The following MYO1G variants were observed in gnomAD, a reference collection of about 807,000 sequenced individuals.
MYO1G encodes unconventional myosin-Ig.
A neutral mutation model predicts 115.3 loss-of-function variants in MYO1G; 65 were observed. That is an observed-to-expected ratio of 0.56 (90% CI 0.46 to 0.69). MYO1G has a LOEUF of 0.69. Among genes scored for constraint, MYO1G ranks in the 30% least tolerant of loss-of-function variants. MYO1G has a pLI of 0.00. For missense variants in MYO1G, 1,204 were observed against 1,393.5 expected, an observed-to-expected ratio of 0.86 and a Z score of 2.16; for synonymous variants, 510 against 552.6, an observed-to-expected ratio of 0.92 and a Z score of 1.08.
At chr7:44,965,602 G>T in intron 17 of MYO1G, 35 bp downstream of exon 17, 1 of 1,575,868 alleles carries the variant, frequency 6.3e-7, no homozygotes, top group Non-Finnish European at 8.7e-7. Context: ...GTGGATGCCA[G>T]CTGAATGGAA....
rs1314998636 is a variant in MYO1G, at chr7:44,972,217, T to G, written c.627A>C (p.Arg209Ser). The change falls in exon 6 of 22, where the codon AGA becomes AGC. Residue 209 changes from arginine (R) to serine (S), a missense_variant. Physicochemically the swap from Arg to Ser is moderately radical, Grantham distance 110 (BLOSUM62 -1). Coordinates refer to ENST00000258787, the MANE Select transcript of MYO1G (RefSeq NM_033054.3). Reference protein sequence around the residue: ...RNFHAFYQLLRGSEDKQLHEL... With the variant: ...RNFHAFYQLLSGSEDKQLHEL... Reference sequence around the variant, plus strand: ...CATGCAGCTGCTTGTCCTCACTGCCTCTCAGCAACTAGAGGACACAGGCAT... The same window carrying G: ...CATGCAGCTGCTTGTCCTCACTGCCGCTCAGCAACTAGAGGACACAGGCAT... 6.2e-7 allele frequency: 1 copy of G among 1,613,298 alleles called. No homozygotes were observed. Among genetic ancestry groups the G allele is most frequent in the Non-Finnish European group, 8.5e-7 (1 of 1,179,382 alleles).
Position 44,966,266 on chromosome 7 carries a change from C to T in MYO1G, c.1964G>A (p.Cys655Tyr), listed in dbSNP as rs149389953. 53 of 1,608,052 alleles carry T rather than the reference C, an allele frequency of 3.3e-5. No homozygotes were observed. The African/African-American group carries it at 6.1e-4, about 19-fold the overall frequency. ...CAGGTGGTTGGGCCATGTGTATTCACAGGTCATCTTGTACCTGTCACCACA... is the reference window on the plus strand; with the variant it reads ...CAGGTGGTTGGGCCATGTGTATTCATAGGTCATCTTGTACCTGTCACCACA... ...SRFLLRYKMT[C>Y]EYTWPNHLLG... Residue 655 changes from cysteine (C) to tyrosine (Y), a missense_variant, in exon 16 of 22, where the codon TGT becomes TAT. By Grantham distance (194) the Cys-to-Tyr change is radical. Transcript: ENST00000258787. The surrounding 1 kb of genome is among the most constrained non-coding windows in gnomAD (Gnocchi z 5.0).
chr7:44,970,264 G>T, intron 9 of MYO1G, 110 bp from the exon 10 acceptor site: 1 of 824,630 alleles, frequency 1.2e-6, no homozygotes, highest in Non-Finnish European at 2.0e-6. Context: ...GGGTTCTGGT[G>T]CCAGCACCCT....
rs765283389 is a variant in MYO1G at position 44,964,545 on chromosome 7, C to T, written c.2527-26G>A. ...CTGAGGACAGATGGAGGGGAGGGGG[C>T]GCTGCTTGGGATTGAGTCATGGGAC... On this transcript the variant is annotated intron_variant, in intron 18 of 21. Transcript: ENST00000258787. The surrounding 1 kb of genome is among the most constrained non-coding windows in gnomAD (Gnocchi z 5.1). 1.3e-5 allele frequency: 21 copies of T among 1,582,592 alleles called. No individual in the cohort carries two copies. The highest frequency in any genetic ancestry group is 4.4e-5 in the South Asian group (4 of 90,428).
chr7:44,962,940 C>A lies in MYO1G; in HGVS notation c.2900+30G>T. 1 of 1,507,542 alleles carries A rather than the reference C, an allele frequency of 6.6e-7. No homozygotes were observed. 93.4% of individuals were successfully genotyped at this position (1,507,542 alleles called of 1,614,324 possible). A position where few individuals can be genotyped will look rare whatever the true frequency, so the allele number is the denominator to read the frequency against. ...CAGGGCGGCCACGCGGCCGGGGCTT[C>A]GTGCCCGCTACCGCCCAGCCTGCAC... On this transcript the variant is annotated intron_variant, in intron 21 of 21. Coordinates refer to ENST00000258787, the MANE Select transcript of MYO1G (RefSeq NM_033054.3). The surrounding 1 kb of genome is among the most constrained non-coding windows in gnomAD (Gnocchi z 5.3).
intron 4 of MYO1G, 92 bp from the exon 5 acceptor site, chr7:44,975,319 G>C: frequency 6.5e-7 from 1 of 1,531,320 alleles, no homozygotes; most frequent in Non-Finnish European, 9.0e-7. Flanking sequence ...GGCAGGCTGG[G>C]GGTCAGAGAG....
Position 44,969,106 on chromosome 7 carries a change from T to C in MYO1G, c.1574+307A>G. ...CTTCCACTCCCTCCCCACCCCCACA[T>C]CACCAGCCTGAAGCCCCCCACCCCA... On this transcript the variant is annotated intron_variant, in intron 12 of 21. Coordinates refer to ENST00000258787, the MANE Select transcript of MYO1G (RefSeq NM_033054.3). This position sits in a 1 kb window ranked among gnomAD's most constrained non-coding sequence, Gnocchi z 5.0. 8.2e-6 allele frequency: 2 copies of C among 242,762 alleles called. No homozygotes were observed. The highest frequency in any genetic ancestry group is 4.6e-5 in the South Asian group (1 of 21,646). 15.0% of individuals were successfully genotyped at this position (242,762 alleles called of 1,614,324 possible).
At chr7:44,970,802 G>C (rs781366142) in intron 8 of MYO1G, 33 bp downstream of exon 8, 2 of 1,613,452 alleles carry the variant, frequency 1.2e-6, no homozygotes, top group Non-Finnish European at 1.7e-6. Flanking sequence ...AAGGCCTCCT[G>C]GGCTTCCCTC....
Position 44,967,737 on chromosome 7 carries a change from GC to G in MYO1G, c.1650-1del. On this transcript the variant is annotated splice_acceptor_variant, in intron 13 of 21. Transcript: ENST00000258787. LOFTEE classifies it high-confidence loss of function. ...ACATGGCCCGTAGAGTGGGGTCCGT[GC>G]TGCAGACACAGGCCGAATTCCCAGC... 6.2e-7 allele frequency: 1 copy of G among 1,613,370 alleles called. No individual in the cohort carries two copies. The highest frequency in any genetic ancestry group is 8.5e-7 in the Non-Finnish European group (1 of 1,179,958).
At chr7:44,972,618 A>G (rs541830939) in intron 5 of MYO1G, 51 of 237,616 alleles carry the variant, frequency 2.1e-4, no homozygotes, top group Non-Finnish European at 3.7e-4. Flanking sequence ...GAGTTTGTGG[A>G]CAAACTGCAG....
chr7:44,975,636 G>A lies in MYO1G; in HGVS notation c.412C>T (p.Leu138=). 6.2e-7 allele frequency: 1 copy of A among 1,611,380 alleles called. No individual in the cohort carries two copies. Among genetic ancestry groups the A allele is most frequent in the African/African-American group, 1.3e-5 (1 of 75,026 alleles). The stretch of plus-strand genomic sequence containing the variant: ...TCCAGCACACAGGTGGACTTGAGCA[G>A]CACGTCCTTGACCCTGTCAGGGCAG... ...RAEVERVKDV[L]LKSTCVLEAF... is the part of the protein sequence containing the mutation. Residue 138 remains leucine, a synonymous_variant, in exon 4 of 22, where the codon CTG becomes TTG. Transcript: ENST00000258787.
Position 44,966,380 on chromosome 7 carries a change from G to T in MYO1G, c.1950-100C>A. On this transcript the variant is annotated intron_variant, in intron 15 of 21. Coordinates refer to ENST00000258787, the MANE Select transcript of MYO1G (RefSeq NM_033054.3). This position sits in a 1 kb window ranked among gnomAD's most constrained non-coding sequence, Gnocchi z 5.0. ...CCTGGGGAGATGGCAGGGATACAGA[G>T]TGTGTTCCTGGAGCACTTATGACAC... is the stretch of plus-strand genomic sequence containing the variant. The T allele has an allele frequency of 9.1e-7, 1 of 1,104,586 alleles. No homozygotes were observed. The highest frequency in any genetic ancestry group is 1.3e-6 in the Non-Finnish European group (1 of 755,930). The allele number at this position is 1,104,586 out of a possible 1,614,324, so 68.4% of individuals were successfully genotyped here.
chr7:44,967,549 G>T lies in MYO1G; in HGVS notation c.1782+56C>A, dbSNP rs573181281. Reference sequence around the variant, plus strand: ...GGTGGTTGGGACCCTACTTGGCACCGAGGGCACAGAGAGAAGGATCCGGAA... The same window carrying T: ...GGTGGTTGGGACCCTACTTGGCACCTAGGGCACAGAGAGAAGGATCCGGAA... On this transcript the variant is annotated intron_variant, in intron 14 of 21. Transcript: ENST00000258787. 2.5e-6 allele frequency: 4 copies of T among 1,607,630 alleles called. No individual in the cohort carries two copies. The African/African-American group carries it at 5.3e-5, about 21-fold the overall frequency.
chr7:44,968,753 CTTTGGCCTCCCAAAGTGCTGGGG>C (rs1794898036), intron 12 of MYO1G: 2 of 152,642 alleles, frequency 1.3e-5, no homozygotes, highest in African/African-American at 4.8e-5. Flanking sequence ...GATCCACCCA[CTTTGGCCTCCCAAAGTGCTGGGG>C]TTACAGGCAT....
In MYO1G at chr7:44,966,013, C is replaced by T; in HGVS notation, c.2157+60G>A. On this transcript the variant is annotated intron_variant, in intron 16 of 21. Transcript: ENST00000258787. The surrounding 1 kb of genome is among the most constrained non-coding windows in gnomAD (Gnocchi z 5.0). Reference sequence around the variant, plus strand: ...GAAACTTACAAGTGTGTTTGTGGCCCCTGGGACACAAGCTTTCCCCACCTC... The same window carrying T: ...GAAACTTACAAGTGTGTTTGTGGCCTCTGGGACACAAGCTTTCCCCACCTC... 3 of 1,587,964 alleles carry T rather than the reference C, an allele frequency of 1.9e-6. No homozygotes were observed. The highest frequency in any genetic ancestry group is 2.6e-6 in the Non-Finnish European group (3 of 1,167,968).
chr7:44,972,287 A>G, intron 5 of MYO1G, 62 bp from the exon 6 acceptor site: 1 of 1,208,996 alleles, frequency 8.3e-7, no homozygotes, highest in South Asian at 1.2e-5. Context: ...GTACACACAC[A>G]CAGGCAGGAG....
chr7:44,970,809 C>T lies in MYO1G; in HGVS notation c.1071+26G>A, dbSNP rs745624742. The T allele has an allele frequency of 3.2e-5, 52 of 1,613,426 alleles. No individual in the cohort carries two copies. The East Asian group carries it at 1.1e-3, about 35-fold the overall frequency. ...CCCCCATGAAGGCCTCCTGGGCTTC[C>T]CTCCCTGTGCCTGCCCCCAAAGTAC... On this transcript the variant is annotated intron_variant, in intron 8 of 21. Transcript: ENST00000258787.
At chr7:44,975,463 C>T in intron 4 of MYO1G, 21 bp downstream of exon 4, 2 of 1,595,542 alleles carry the variant, frequency 1.3e-6, no homozygotes, top group Non-Finnish European at 1.7e-6. Flanking sequence ...CCATGGAGGT[C>T]TCCTCAGCCC....
chr7:44,967,183 G>A (rs760139590), intron 14 of MYO1G, among the ~76,000 whole-genome samples: 3 of 152,248 alleles, frequency 2.0e-5, no homozygotes, highest in East Asian at 1.9e-4. Context: ...TCCTCTCCCT[G>A]ACCCTTCACC....
Sources: allele counts gnomAD v4.1 joint callset (sites outside exome capture counted in the v4.1 genomes callset), GRCh38; gene constraint gnomAD v4.1.1; non-coding constraint Gnocchi (gnomAD v3.1); transcripts MANE v1.5; gene names NCBI Gene and HGNC (gene_info 2026-07-23, HGNC 2026-07-21).